Variants in CECR2 observed in about 807,000 individuals in gnomAD.
The protein encoded by CECR2 is chromatin remodeling regulator CECR2.
CECR2 carries 30 observed loss-of-function variants against 154.5 expected under a neutral mutation model. The ratio of observed to expected loss-of-function variants is 0.19; its 90% CI spans 0.15 to 0.26. The LOEUF (loss-of-function observed/expected upper bound fraction) is 0.26. Among genes scored for constraint, CECR2 ranks in the 10% least tolerant of loss-of-function variants. CECR2 has a pLI of 1.00. For synonymous variants in CECR2, 725 were observed against 683.7 expected, an observed-to-expected ratio of 1.06 and a Z score of -0.94; for missense variants, 1,743 against 1,829.3, an observed-to-expected ratio of 0.95 and a Z score of 0.86.
At chr22:17,486,448 C>T (rs1266439073) in intron 2 of CECR2, among the ~76,000 whole-genome samples, 8 of 152,178 alleles carry the variant, frequency 5.3e-5, no homozygotes, top group African/African-American at 9.6e-5. Flanking sequence ...GTATGTGACA[C>T]GCCACTGGGG....
intron 1 of CECR2, among the ~76,000 whole-genome samples, chr22:17,435,273 T>G (rs117763474): frequency 0.021 from 3,202 of 152,236 alleles, 77 homozygotes; most frequent in South Asian, 0.13. Context: ...CAAACGTTGC[T>G]GCCTGCTACC....
intron 9 of CECR2, among the ~76,000 whole-genome samples, chr22:17,529,051 T>G (rs2056310261): frequency 1.3e-5 from 2 of 151,948 alleles, no homozygotes; most frequent in Non-Finnish European, 2.9e-5. Context: ...AGCGCTGATT[T>G]CCCCTGCTGA....
At chr22:17,386,043 T>A (rs1476132347) in intron 1 of CECR2, among the ~76,000 whole-genome samples, 1 of 152,202 alleles carries the variant, frequency 6.6e-6, no homozygotes, top group Non-Finnish European at 1.5e-5. Flanking sequence ...ATGGGGCTCC[T>A]GGCAGGCCAG....
chr22:17,406,039 A>C (rs547741629), intron 1 of CECR2, among the ~76,000 whole-genome samples: 1 of 152,338 alleles, frequency 6.6e-6, no homozygotes, highest in Admixed American at 6.5e-5. Context: ...AGTTATTAGA[A>C]GTGTGAAGAA....
intron 2 of CECR2, among the ~76,000 whole-genome samples, chr22:17,479,997 C>A (rs184975634): frequency 6.6e-6 from 1 of 151,894 alleles, no homozygotes; most frequent in East Asian, 1.9e-4. Context: ...TGGTCTCAAG[C>A]GATCCTGCTG....
intron 1 of CECR2, among the ~76,000 whole-genome samples, chr22:17,381,493 A>G (rs181577377): frequency 1.4e-3 from 212 of 152,272 alleles, no homozygotes; most frequent in Non-Finnish European, 2.3e-3. Context: ...AATGGAACCC[A>G]TCTTCCTTAC....
At chr22:17,453,171 G>C (rs1190683428) in intron 1 of CECR2, among the ~76,000 whole-genome samples, 1 of 152,210 alleles carries the variant, frequency 6.6e-6, no homozygotes, top group Non-Finnish European at 1.5e-5. Flanking sequence ...GCCGGTCACA[G>C]TGACTTACGC....
intron 1 of CECR2, among the ~76,000 whole-genome samples, chr22:17,467,246 C>A (rs1434506903): frequency 6.6e-6 from 1 of 152,174 alleles, no homozygotes; most frequent in African/African-American, 2.4e-5. Flanking sequence ...AGGAACAAGT[C>A]TGATGTCAGT....
At chr22:17,487,428 GGT>G (rs1298440202) in intron 2 of CECR2, among the ~76,000 whole-genome samples, 36 of 152,146 alleles carry the variant, frequency 2.4e-4, no homozygotes, top group Admixed American at 2.6e-4. Flanking sequence ...GGTTGGGCGC[GGT>G]GGCTCATGCC....
chr22:17,537,076 C>T, intron 9 of CECR2, 27 bp from the exon 10 acceptor site: 1 of 1,612,348 alleles, frequency 6.2e-7, no homozygotes, highest in South Asian at 1.1e-5. Flanking sequence ...GTGTGCTTAG[C>T]TCACTCAGCC....
At chr22:17,516,185 C>T (rs555810229) in intron 8 of CECR2, among the ~76,000 whole-genome samples, 1 of 151,828 alleles carries the variant, frequency 6.6e-6, no homozygotes, top group East Asian at 1.9e-4. Context: ...GACAGATAAC[C>T]AGGATTGATC....
At chr22:17,418,741 C>CCATT in intron 1 of CECR2, 1 of 470,300 alleles carries the variant, frequency 2.1e-6, no homozygotes, top group African/African-American at 2.1e-5. Context: ...ATGGACCCAT[C>CCATT]CATTCCTCGA....
intron 1 of CECR2, among the ~76,000 whole-genome samples, chr22:17,403,383 A>G (rs539516109): frequency 7.6e-4 from 115 of 152,312 alleles, no homozygotes; most frequent in African/African-American, 2.7e-3. Flanking sequence ...TAATAGCTGC[A>G]CGTATTTGCT....
chr22:17,473,757 T>C (rs1306270174), intron 1 of CECR2, among the ~76,000 whole-genome samples: 1 of 152,240 alleles, frequency 6.6e-6, no homozygotes, highest in African/African-American at 2.4e-5. Context: ...GTCAGTTCAG[T>C]AATATTAAGT....
intron 9 of CECR2, among the ~76,000 whole-genome samples, chr22:17,532,049 A>G (rs1296786): frequency 0.14 from 21,136 of 152,022 alleles, 1,936 homozygotes; most frequent in Non-Finnish European, 0.2. Flanking sequence ...GCATGCCTGT[A>G]GTCCCAGCTA....
At chr22:17,527,631 G>C (rs1460891064) in intron 9 of CECR2, among the ~76,000 whole-genome samples, 1 of 152,088 alleles carries the variant, frequency 6.6e-6, no homozygotes, top group Non-Finnish European at 1.5e-5. Flanking sequence ...GCTAGGCATG[G>C]TGGCACACGC....
At chr22:17,501,522 C>A (rs138527999) in intron 5 of CECR2, among the ~76,000 whole-genome samples, 3,818 of 151,940 alleles carry the variant, frequency 0.025, 82 homozygotes, top group Middle Eastern at 0.048. Context: ...TATGCCACTG[C>A]ACTCCAGCCT....
intron 9 of CECR2, among the ~76,000 whole-genome samples, chr22:17,527,654 C>T (rs2056287157): frequency 6.6e-6 from 1 of 151,850 alleles, no homozygotes; most frequent in Non-Finnish European, 1.5e-5. Context: ...GTAATCCCAG[C>T]TACTCAGGAG....
intron 1 of CECR2, among the ~76,000 whole-genome samples, chr22:17,421,603 A>G (rs530528842): frequency 9.3e-6 from 1 of 107,702 alleles, no homozygotes; most frequent in South Asian, 3.6e-4. Flanking sequence ...CGACAGAGCG[A>G]GACTCCGTCT....
Sources: allele counts gnomAD v4.1 joint callset (sites outside exome capture counted in the v4.1 genomes callset), GRCh38; gene constraint gnomAD v4.1.1; transcripts MANE v1.5; gene names NCBI Gene and HGNC (gene_info 2026-07-23, HGNC 2026-07-21).